The following DIAPH2 variants were observed in gnomAD, a reference collection of about 807,000 sequenced individuals.
The protein encoded by DIAPH2 is protein diaphanous homolog 2.
A neutral mutation model predicts 92.7 loss-of-function variants in DIAPH2; 35 were observed. The observed-to-expected ratio is 0.38, with a 90% confidence interval of 0.29 to 0.50. The LOEUF (loss-of-function observed/expected upper bound fraction) is 0.50. DIAPH2 is among the 20% of genes least tolerant of loss of function. The pLI is 0.94. For synonymous variants in DIAPH2, 301 were observed against 280.4 expected (o/e 1.07, Z -0.73); for missense variants, 701 against 819.5 (o/e 0.86, Z 1.77).
intron 23 of DIAPH2, among the ~76,000 whole-genome samples, chrX:97,330,351 C>G (rs369919593): frequency 9.1e-6 from 1 of 109,803 alleles, no homozygotes; most frequent in East Asian, 2.9e-4. Context: ...ACCCCTCAGC[C>G]CCTGGTAGCC....
intron 15 of DIAPH2, 118 bp from the exon 16 acceptor site, chrX:96,957,710 A>C: frequency 1.8e-6 from 1 of 560,354 alleles, no homozygotes; most frequent in East Asian, 3.7e-5. Context: ...TATCTAAAAA[A>C]GTATATATGA....
chrX:97,294,814 A>G (rs780024431), intron 23 of DIAPH2, among the ~76,000 whole-genome samples: 23 of 111,950 alleles, frequency 2.1e-4, no homozygotes, highest in African/African-American at 6.8e-4. Context: ...GTGACATTAC[A>G]TTTGTGTTTT....
At chrX:96,918,446 C>A in intron 8 of DIAPH2, 63 bp from the exon 9 acceptor site, 1 of 680,094 alleles carries the variant, frequency 1.5e-6, no homozygotes, top group South Asian at 2.9e-5. Context: ...CTGAAAGGAC[C>A]GGTGCTCATA....
At chrX:97,410,566 C>T (rs1003058480) in intron 25 of DIAPH2, among the ~76,000 whole-genome samples, 13 of 112,051 alleles carry the variant, frequency 1.2e-4, no homozygotes, top group South Asian at 3.7e-4. Context: ...ATGACTTTGA[C>T]GAGCTGACAG....
chrX:96,824,463 A>G (rs1441289901), intron 4 of DIAPH2, among the ~76,000 whole-genome samples: 1 of 110,456 alleles, frequency 9.1e-6, no homozygotes, highest in Non-Finnish European at 1.9e-5. Context: ...CCCACTGTCC[A>G]AGCTCATGAC....
chrX:97,596,104 G>A (rs1410459742), intron 26 of DIAPH2, among the ~76,000 whole-genome samples: 2 of 111,868 alleles, frequency 1.8e-5, no homozygotes, highest in Non-Finnish European at 1.9e-5. Context: ...AGATTTGGAA[G>A]GTCCATTTTG....
At chrX:97,141,643 A>G in intron 21 of DIAPH2, 22 bp from the exon 22 acceptor site, 1 of 1,168,677 alleles carries the variant, frequency 8.6e-7, no homozygotes, top group Non-Finnish European at 1.1e-6. Flanking sequence ...TTACTAAAAA[A>G]TGTGTTGTTG....
chrX:97,561,254 C>G (rs1247550381), intron 26 of DIAPH2, among the ~76,000 whole-genome samples: 4 of 112,001 alleles, frequency 3.6e-5, no homozygotes, highest in Non-Finnish European at 5.6e-5. Context: ...AATTGAATTG[C>G]CAGTGATAGA....
intron 22 of DIAPH2, among the ~76,000 whole-genome samples, chrX:97,196,137 G>A (rs1033171589): frequency 2.7e-5 from 3 of 111,165 alleles, no homozygotes; most frequent in African/African-American, 9.8e-5. Flanking sequence ...CAATTACACA[G>A]GCTAGCAAAG....
intron 26 of DIAPH2, among the ~76,000 whole-genome samples, chrX:97,499,853 T>A (rs1360641206): frequency 8.9e-6 from 1 of 112,534 alleles, no homozygotes; most frequent in African/African-American, 3.2e-5. Flanking sequence ...AATCCCACAT[T>A]AATGTGATTA....
At chrX:96,831,812 A>G (rs1464046989) in intron 4 of DIAPH2, among the ~76,000 whole-genome samples, 1 of 111,601 alleles carries the variant, frequency 9.0e-6, no homozygotes, top group African/African-American at 3.3e-5. Flanking sequence ...TTACATATCT[A>G]TTATGTGTCA....
Position 97,011,891 on chromosome X carries a change from CAAAAAAAA to C in DIAPH2, c.2050+46705_2050+46712del, listed in dbSNP as rs1169242843. On this transcript the variant is annotated intron_variant, in intron 17 of 26. Transcript: ENST00000324765. ...TGGTTGACAGAGCAAGACACTGTCT[CAAAAAAAA>C]AAAAAAAAAAAAAAAAAAAAGAGGG... is the stretch of plus-strand genomic sequence containing the variant. 1.1e-3 allele frequency among the ~76,000 whole-genome samples: 34 copies of C among 32,200 alleles called. 1 individual carries two copies. The highest frequency in any genetic ancestry group is 5.3e-3 in the African/African-American group (33 of 6,270). The allele number at this position is 32,200 out of a possible 115,157, so 28.0% of individuals were successfully genotyped here.
chrX:97,478,943 GT>G (rs897819255), intron 26 of DIAPH2, among the ~76,000 whole-genome samples: 1 of 109,376 alleles, frequency 9.1e-6, no homozygotes, highest in African/African-American at 3.3e-5. Flanking sequence ...GTAGTTTTTT[GT>G]TTTTTTTGTT....
chrX:97,244,030 T>C (rs59283221), intron 22 of DIAPH2, among the ~76,000 whole-genome samples: 3,645 of 111,667 alleles, frequency 0.033, 155 homozygotes, highest in African/African-American at 0.11. Context: ...CTGTTGTTTA[T>C]GTATATGAGA....
intron 5 of DIAPH2, among the ~76,000 whole-genome samples, chrX:96,896,704 A>T (rs2147765190): frequency 8.9e-6 from 1 of 112,224 alleles, no homozygotes; most frequent in Admixed American, 9.5e-5. Flanking sequence ...TTTACAAAGC[A>T]TTTATATGTT....
intron 4 of DIAPH2, among the ~76,000 whole-genome samples, chrX:96,816,342 C>T (rs1602533752): frequency 9.0e-6 from 1 of 111,718 alleles, no homozygotes; most frequent in East Asian, 2.8e-4. Context: ...TGGATCAATA[C>T]CTAGAAGTGG....
intron 22 of DIAPH2, among the ~76,000 whole-genome samples, chrX:97,167,072 A>T (rs1166743775): frequency 1.8e-5 from 2 of 111,885 alleles, no homozygotes; most frequent in Non-Finnish European, 3.8e-5. Flanking sequence ...TCATTGGATG[A>T]CTATACCACA....
At chrX:97,413,215 G>C (rs2069899141) in intron 25 of DIAPH2, among the ~76,000 whole-genome samples, 1 of 111,329 alleles carries the variant, frequency 9.0e-6, no homozygotes, top group Admixed American at 9.6e-5. Flanking sequence ...TCATGATCAA[G>C]TTGGCTTCAT....
At chrX:96,744,402 G>A (rs745657309) in intron 3 of DIAPH2, among the ~76,000 whole-genome samples, 2 of 112,346 alleles carry the variant, frequency 1.8e-5, no homozygotes, top group Non-Finnish European at 3.8e-5. Context: ...TAGCTGAGCC[G>A]AAACTTAAAT....
Sources: gnomAD v4.1 joint callset for allele counts (sites outside exome capture counted in the v4.1 genomes callset) on GRCh38, gnomAD v4.1.1 for gene constraint, MANE v1.5 for transcripts, NCBI Gene and HGNC (gene_info 2026-07-23, HGNC 2026-07-21) for gene names.